Variants in ASTN2 observed in about 807,000 individuals in gnomAD.
ASTN2 encodes astrotactin 2.
A neutral mutation model predicts 139.8 loss-of-function variants in ASTN2; 54 were observed. The ratio of observed to expected loss-of-function variants is 0.39; its 90% CI spans 0.31 to 0.48. The LOEUF is 0.48. Ranked by LOEUF, ASTN2 falls within the 20% of genes least tolerant of loss-of-function variation. ASTN2 has a pLI of 0.95. For missense variants in ASTN2, 1,565 were observed against 1,725.1 expected, an observed-to-expected ratio of 0.91 and a Z score of 1.64; for synonymous variants, 756 against 719.5, an observed-to-expected ratio of 1.05 and a Z score of -0.81.
Position 116,963,878 on chromosome 9 carries a change from G to A in ASTN2, c.1889+11330C>T, listed in dbSNP as rs1271417816. 2.6e-5 allele frequency among the ~76,000 whole-genome samples: 4 copies of A among 152,138 alleles called. No homozygotes were observed. In the East Asian group the frequency reaches 7.8e-4, roughly 29 times the overall value. The stretch of plus-strand genomic sequence containing the variant: ...ACATTTATTTTCCTGGCTCTTTTGC[G>A]GCAGAGTCACCATGAACTGTGTGTA... On this transcript the variant is annotated intron_variant, in intron 10 of 22. Coordinates refer to ENST00000313400, the MANE Select transcript of ASTN2 (RefSeq NM_001365068.1).
chr9:117,128,558 A>G (rs1368171551), intron 4 of ASTN2, among the ~76,000 whole-genome samples: 1 of 152,136 alleles, frequency 6.6e-6, no homozygotes, highest in Non-Finnish European at 1.5e-5. Context: ...TGTTAATTTT[A>G]CAAAGGAGGT....
chr9:117,237,331 C>T (rs1000079482), intron 2 of ASTN2, among the ~76,000 whole-genome samples: 1 of 152,106 alleles, frequency 6.6e-6, no homozygotes, highest in African/African-American at 2.4e-5. Flanking sequence ...AGTTCTTGCC[C>T]TCCGGCCCAG....
intron 13 of ASTN2, among the ~76,000 whole-genome samples, chr9:116,737,666 A>T (rs1828975663): frequency 6.7e-6 from 1 of 148,518 alleles, no homozygotes; most frequent in African/African-American, 2.5e-5. Flanking sequence ...GCTGCTAGGT[A>T]ACTAACCCTA....
chr9:116,699,796 C>A lies in ASTN2; in HGVS notation c.2806+25975G>T. 1 of 1,559,248 alleles carries A rather than the reference C, an allele frequency of 6.4e-7. No individual in the cohort carries two copies. Among genetic ancestry groups the A allele is most frequent in the Non-Finnish European group, 8.8e-7 (1 of 1,134,818 alleles). The stretch of plus-strand genomic sequence containing the variant: ...AGTGGCACATGCAGAATAGACTCAG[C>A]CTATGTCCTGATTCCAGCTGGGTAG... On this transcript the variant is annotated intron_variant, in intron 16 of 22. Transcript: ENST00000313400. The surrounding 1 kb of genome is among the most constrained non-coding windows in gnomAD (Gnocchi z 4.2).
intron 19 of ASTN2, among the ~76,000 whole-genome samples, chr9:116,535,699 C>A (rs1260948568): frequency 6.6e-6 from 1 of 152,176 alleles, no homozygotes; most frequent in Non-Finnish European, 1.5e-5. Flanking sequence ...CTCTCTTCGG[C>A]TTGTAGAGTT....
chr9:116,592,878 A>G (rs1326928149), intron 19 of ASTN2, among the ~76,000 whole-genome samples: 5 of 152,184 alleles, frequency 3.3e-5, no homozygotes, highest in Non-Finnish European at 4.4e-5. Flanking sequence ...TTCCCTTCAT[A>G]ATGTTGCCTT....
chr9:116,864,943 A>G (rs1279713740), intron 10 of ASTN2, among the ~76,000 whole-genome samples: 1 of 152,146 alleles, frequency 6.6e-6, no homozygotes, highest in African/African-American at 2.4e-5. Context: ...CCTCTGATCA[A>G]TAGCTTCCCA....
intron 13 of ASTN2, among the ~76,000 whole-genome samples, chr9:116,782,866 G>T (rs995549168): frequency 2.0e-5 from 3 of 152,138 alleles, no homozygotes; most frequent in African/African-American, 7.2e-5. Context: ...CCCCATGTGG[G>T]CTTGCCCTGG....
rs1224859841 is a variant in ASTN2 at position 117,134,293 on chromosome 9, TATACAC to T, written c.1168+7027_1168+7032del. Among the ~76,000 whole-genome samples the T allele has an allele frequency of 6.7e-3, 361 of 53,804 alleles. 1 individual carries two copies. The highest frequency in any genetic ancestry group is 0.028 in the South Asian group (52 of 1,870). 35.3% of individuals were successfully genotyped at this position (53,804 alleles called of 152,430 possible). ...ATATATATATATATATATATATATA[TATACAC>T]ACACACACACACACACACACACACA... On this transcript the variant is annotated intron_variant, in intron 4 of 22. Coordinates refer to ENST00000313400, the MANE Select transcript of ASTN2 (RefSeq NM_001365068.1).
intron 3 of ASTN2, chr9:117,180,632 T>G (rs1467074361): frequency 2.3e-6 from 3 of 1,279,994 alleles, no homozygotes; most frequent in Non-Finnish European, 3.2e-6. Context: ...AGTATCTTTT[T>G]TTTTTTTTTT....
intron 4 of ASTN2, among the ~76,000 whole-genome samples, chr9:117,139,661 C>G (rs1005213189): frequency 6.6e-6 from 1 of 152,148 alleles, no homozygotes; most frequent in African/African-American, 2.4e-5. Context: ...TGATTTAGGC[C>G]AGGAATGTAA....
At chr9:116,666,429 C>G (rs1048737265) in intron 16 of ASTN2, among the ~76,000 whole-genome samples, 1 of 152,154 alleles carries the variant, frequency 6.6e-6, no homozygotes, top group Admixed American at 6.5e-5. Flanking sequence ...ATGAACATTT[C>G]CTATGACTTT....
chr9:116,773,828 T>TC (rs1453433759), intron 13 of ASTN2, among the ~76,000 whole-genome samples: 2 of 152,126 alleles, frequency 1.3e-5, no homozygotes, highest in African/African-American at 2.4e-5. Flanking sequence ...GACTTTTTTT[T>TC]CCCTCCTACA....
chr9:117,323,613 G>A (rs1828409973), intron 1 of ASTN2, among the ~76,000 whole-genome samples: 1 of 152,138 alleles, frequency 6.6e-6, no homozygotes, highest in Admixed American at 6.5e-5. Context: ...AGAGGCTGGA[G>A]GTGGGGGCAT....
At chr9:116,735,905 G>A (rs1465622101) in intron 13 of ASTN2, among the ~76,000 whole-genome samples, 1 of 152,182 alleles carries the variant, frequency 6.6e-6, no homozygotes, top group East Asian at 1.9e-4. Context: ...CAGCTATTCA[G>A]CTGGCCTTAG....
intron 4 of ASTN2, among the ~76,000 whole-genome samples, chr9:117,107,065 G>T (rs1017090228): frequency 2.6e-5 from 4 of 151,918 alleles, no homozygotes; most frequent in African/African-American, 7.3e-5. Flanking sequence ...AATAAATATA[G>T]ATTGCTTATG....
intron 19 of ASTN2, among the ~76,000 whole-genome samples, chr9:116,536,336 G>A (rs930440125): frequency 2.6e-5 from 4 of 152,012 alleles, no homozygotes; most frequent in African/African-American, 9.7e-5. Flanking sequence ...TTGGTCTTCT[G>A]AAGCCTTCTT....
At chr9:117,179,946 G>T (rs1831014983) in intron 3 of ASTN2, among the ~76,000 whole-genome samples, 1 of 152,130 alleles carries the variant, frequency 6.6e-6, no homozygotes, top group Admixed American at 6.5e-5. Flanking sequence ...TGAGATCATT[G>T]GTTCTCATTT....
intron 19 of ASTN2, among the ~76,000 whole-genome samples, chr9:116,497,146 C>A (rs931604097): frequency 2.0e-5 from 3 of 152,198 alleles, no homozygotes; most frequent in African/African-American, 7.2e-5. Context: ...ACTGGCAGCA[C>A]AAAGTGAGCC....
Sources: allele counts gnomAD v4.1 joint callset (sites outside exome capture counted in the v4.1 genomes callset), GRCh38; gene constraint gnomAD v4.1.1; non-coding constraint Gnocchi (gnomAD v3.1); transcripts MANE v1.5; gene names NCBI Gene and HGNC (gene_info 2026-07-23, HGNC 2026-07-21).